GPC6: variants seen among roughly 807,000 people sequenced by gnomAD.
GPC6 encodes the protein glypican 6, also known as glypican-6.
A neutral mutation model predicts 55.2 loss-of-function variants in GPC6; 14 were observed. That is an observed-to-expected ratio of 0.25 (90% confidence interval 0.17 to 0.40). The LOEUF (loss-of-function observed/expected upper bound fraction) is 0.40. Ranked by LOEUF, GPC6 falls within the 10% of genes least tolerant of loss-of-function variation. GPC6 has a pLI of 1.00. For missense variants in GPC6, 641 were observed against 708.5 expected (o/e 0.90, Z 1.08); for synonymous variants, 278 against 259.6 (o/e 1.07, Z -0.68).
intron 1 of GPC6, among the ~76,000 whole-genome samples, chr13:93,462,365 A>G (rs1186485293): frequency 8.5e-5 from 13 of 152,108 alleles, no homozygotes; most frequent in Admixed American, 7.9e-4. Flanking sequence ...AAAAAATGCA[A>G]ATTTTCTACC....
intron 2 of GPC6, among the ~76,000 whole-genome samples, chr13:93,621,744 A>C (rs1226741729): frequency 6.6e-6 from 1 of 152,172 alleles, no homozygotes; most frequent in African/African-American, 2.4e-5. Context: ...AATTTGATGC[A>C]AATATGTGTA....
At chr13:93,985,645 T>C (rs1880992864) in intron 3 of GPC6, among the ~76,000 whole-genome samples, 1 of 131,450 alleles carries the variant, frequency 7.6e-6, no homozygotes, top group Non-Finnish European at 1.5e-5. Flanking sequence ...TGGGCCATAA[T>C]TGTGCCACTG....
At chr13:94,300,840 C>T (rs1465960095) in intron 5 of GPC6, among the ~76,000 whole-genome samples, 1 of 152,162 alleles carries the variant, frequency 6.6e-6, no homozygotes, top group Non-Finnish European at 1.5e-5. Context: ...CCTCTAAAAA[C>T]TTCTGTTCTG....
intron 3 of GPC6, among the ~76,000 whole-genome samples, chr13:93,919,611 T>C (rs759492210): frequency 6.6e-6 from 1 of 152,230 alleles, no homozygotes; most frequent in Non-Finnish European, 1.5e-5. Context: ...GAAGCATTAA[T>C]GAATGCTTTG....
intron 3 of GPC6, 50 bp downstream of exon 3, chr13:93,830,595 T>G (rs1330950091): frequency 3.5e-6 from 5 of 1,421,134 alleles, no homozygotes; most frequent in Non-Finnish European, 4.8e-6. Flanking sequence ...GTTTATTCTG[T>G]TTTTAAAACC....
chr13:93,861,082 A>G (rs1044663520), intron 3 of GPC6, among the ~76,000 whole-genome samples: 1 of 151,490 alleles, frequency 6.6e-6, no homozygotes, highest in Non-Finnish European at 1.5e-5. Context: ...CGTTTTGAGG[A>G]TTAACAGAGT....
chr13:93,667,560 G>A (rs940824052), intron 2 of GPC6, among the ~76,000 whole-genome samples: 1 of 151,844 alleles, frequency 6.6e-6, no homozygotes, highest in Non-Finnish European at 1.5e-5. Context: ...AGCCTCTCGA[G>A]TAGCTGGGAT....
chr13:94,398,353 C>A, intron 7 of GPC6, 113 bp from the exon 8 acceptor site: 1 of 787,488 alleles, frequency 1.3e-6, no homozygotes. Context: ...CCAGTTTTTG[C>A]CAGGTGTCTT....
chr13:93,927,867 CTG>C (rs1448317860), intron 3 of GPC6, among the ~76,000 whole-genome samples: 1 of 152,046 alleles, frequency 6.6e-6, no homozygotes, highest in African/African-American at 2.4e-5. Context: ...TATAAATGAA[CTG>C]TGAGTCTTAT....
At chr13:94,014,652 GC>G (rs1421524572) in intron 3 of GPC6, among the ~76,000 whole-genome samples, 4 of 152,100 alleles carry the variant, frequency 2.6e-5, no homozygotes, top group Non-Finnish European at 4.4e-5. Context: ...GAAAACTTAG[GC>G]CCATCAGCAG....
intron 1 of GPC6, among the ~76,000 whole-genome samples, chr13:93,294,742 C>T (rs1310255136): frequency 7.2e-5 from 11 of 152,078 alleles, no homozygotes; most frequent in South Asian, 2.1e-4. Context: ...CACACCCTTC[C>T]GAGAGTTCTA....
At chr13:93,939,381 G>A (rs900570556) in intron 3 of GPC6, among the ~76,000 whole-genome samples, 2 of 150,850 alleles carry the variant, frequency 1.3e-5, no homozygotes, top group African/African-American at 4.8e-5. Flanking sequence ...ATGCGCCACT[G>A]CACTCCAGCC....
At chr13:94,126,678 G>C (rs1886829275) in intron 4 of GPC6, among the ~76,000 whole-genome samples, 1 of 152,026 alleles carries the variant, frequency 6.6e-6, no homozygotes, top group Non-Finnish European at 1.5e-5. Flanking sequence ...GGTAATAGGA[G>C]GAGTACAAAA....
At chr13:94,036,664 T>G (rs895649601) in intron 4 of GPC6, among the ~76,000 whole-genome samples, 1 of 151,994 alleles carries the variant, frequency 6.6e-6, no homozygotes, top group African/African-American at 2.4e-5. Flanking sequence ...GAAGTAACAA[T>G]GGCTACCCAT....
At chr13:93,680,168 G>A (rs539982103) in intron 2 of GPC6, among the ~76,000 whole-genome samples, 31 of 152,214 alleles carry the variant, frequency 2.0e-4, no homozygotes, top group Middle Eastern at 3.4e-3. Context: ...TCGCCACTGT[G>A]AGTCCTAATT....
At chr13:94,147,497 T>C (rs1036911526) in intron 4 of GPC6, among the ~76,000 whole-genome samples, 17 of 152,186 alleles carry the variant, frequency 1.1e-4, no homozygotes, top group Non-Finnish European at 2.5e-4. Context: ...GTTGTAGCAT[T>C]GTTTTGAAGG....
At chr13:93,524,133 AAAACTT>A (rs1881556335) in intron 1 of GPC6, among the ~76,000 whole-genome samples, 1 of 152,000 alleles carries the variant, frequency 6.6e-6, no homozygotes, top group East Asian at 1.9e-4. Context: ...TTCAACTAGT[AAAACTT>A]AAAGACAAAA....
At chr13:93,509,713 G>A in intron 1 of GPC6, among the ~76,000 whole-genome samples, 1 of 152,146 alleles carries the variant, frequency 6.6e-6, no homozygotes, top group East Asian at 1.9e-4. Flanking sequence ...AACACCATTT[G>A]TTCCATGTGT....
At chr13:94,399,087 C>T (rs1881018116) in intron 8 of GPC6, among the ~76,000 whole-genome samples, 1 of 152,176 alleles carries the variant, frequency 6.6e-6, no homozygotes, top group Non-Finnish European at 1.5e-5. Context: ...AGAGTCTCTA[C>T]AAATTACTCT....
Sources: gnomAD v4.1 joint callset for allele counts (sites outside exome capture counted in the v4.1 genomes callset) on GRCh38, gnomAD v4.1.1 for gene constraint, MANE v1.5 for transcripts, NCBI Gene and HGNC (gene_info 2026-07-23, HGNC 2026-07-21) for gene names.